The following CDH7 variants were observed in gnomAD, a reference collection of about 807,000 sequenced individuals.
CDH7 encodes cadherin 7.
Under a neutral mutation model 71.8 loss-of-function variants are expected in CDH7, and 25 were observed. The observed-to-expected ratio is 0.35, with a 90% CI of 0.25 to 0.49. The LOEUF is 0.49. CDH7 is among the 20% of genes least tolerant of loss of function. The pLI, the probability that CDH7 is intolerant of heterozygous loss-of-function variation, is 0.99. For synonymous variants in CDH7, 381 were observed against 363.8 expected (o/e 1.05, Z -0.54); for missense variants, 862 against 974.6 (o/e 0.88, Z 1.54).
chr18:65,760,655 T>C (rs1048790750), intron 1 of CDH7, among the ~76,000 whole-genome samples: 1 of 152,156 alleles, frequency 6.6e-6, no homozygotes, highest in African/African-American at 2.4e-5. Flanking sequence ...CCTCACATGC[T>C]TGTCTCAGCC....
intron 2 of CDH7, among the ~76,000 whole-genome samples, chr18:65,791,205 A>G (rs1341358283): frequency 2.0e-5 from 3 of 152,180 alleles, no homozygotes; most frequent in Non-Finnish European, 4.4e-5. Context: ...AACATCAGAG[A>G]GTACATGTAT....
intron 2 of CDH7, among the ~76,000 whole-genome samples, chr18:65,790,205 A>C (rs1910662257): frequency 7.4e-6 from 1 of 135,094 alleles, no homozygotes; most frequent in South Asian, 2.6e-4. Context: ...TGGGTGACAG[A>C]GTAAGACTCT....
At chr18:65,826,801 A>G (rs7227424) in intron 6 of CDH7, among the ~76,000 whole-genome samples, 110,834 of 151,370 alleles carry the variant, frequency 0.73, 40,831 homozygotes, top group East Asian at 0.98. Flanking sequence ...TACTTTGACT[A>G]TTATTAGAGA....
rs768514024 is a variant in CDH7 at position 65,843,910 on chromosome 18, C to T, written c.1080C>T (p.Asp360=). Residue 360 remains aspartate (D), a synonymous_variant, in exon 7 of 12, where the codon GAC becomes GAT. Coordinates refer to ENST00000397968, the MANE Select transcript of CDH7 (RefSeq NM_004361.5). ...TTCTGAGCTTGGGTCCGTTCAGTGACACGACAACTGTGAAGATAATTGTGG... is the reference window on the plus strand; with the variant it reads ...TTCTGAGCTTGGGTCCGTTCAGTGATACGACAACTGTGAAGATAATTGTGG... The part of the protein sequence containing the change: ...PRFLSLGPFS[D]TTTVKIIVED... 21 of 1,606,108 alleles carry T rather than the reference C, an allele frequency of 1.3e-5. No homozygotes were observed. Among genetic ancestry groups the T allele is most frequent in the Non-Finnish European group, 1.7e-5 (20 of 1,175,074 alleles).
upstream of CDH7, chr18:65,750,810 C>G (rs1013010351): frequency 2.6e-5 from 4 of 152,436 alleles, no homozygotes; most frequent in Admixed American, 6.5e-5. Flanking sequence ...CTCGCCCTCT[C>G]TCTGGCCGCG....
At chr18:65,852,963 A>C (rs1437810981) in intron 7 of CDH7, among the ~76,000 whole-genome samples, 1 of 152,190 alleles carries the variant, frequency 6.6e-6, no homozygotes. Context: ...GATTGAATTA[A>C]TGATGGTAAA....
At chr18:65,866,315 C>CAAAAAAAAAAAAA (rs1568228989) in intron 11 of CDH7, 1 of 1,364 alleles carries the variant, frequency 7.3e-4, no homozygotes, top group African/African-American at 1.5e-3. Flanking sequence ...AAAAAAAAAA[C>CAAAAAAAAAAAAA]AAAAAAAAAA....
At chr18:65,770,972 G>A (rs907601231) in intron 2 of CDH7, among the ~76,000 whole-genome samples, 33 of 152,134 alleles carry the variant, frequency 2.2e-4, no homozygotes, top group African/African-American at 8.0e-4. Flanking sequence ...TCCACAAAGT[G>A]CCAGCAAAGT....
intron 4 of CDH7, among the ~76,000 whole-genome samples, chr18:65,817,301 C>A (rs145904037): frequency 6.6e-5 from 10 of 152,286 alleles, no homozygotes; most frequent in African/African-American, 1.7e-4. Context: ...TCCAACTACA[C>A]CCTTCCTACA....
rs72393865 is a variant in CDH7, at chr18:65,784,113, A to ATTTTTTTT, written c.210+21073_210+21080dup. Among the ~76,000 whole-genome samples, 610 of 106,564 alleles carry ATTTTTTTT rather than the reference A, an allele frequency of 5.7e-3. 1 individual carries two copies. Among genetic ancestry groups the ATTTTTTTT allele is most frequent in the Non-Finnish European group, 7.4e-3 (403 of 54,164 alleles). 69.9% of individuals were successfully genotyped at this position (106,564 alleles called of 152,430 possible). ...AACACAGGCATTACCACCCACAGCT[A>ATTTTTTTT]TTTTTTTTTTTTTTTTTTTGTAGAG... On this transcript the variant is annotated intron_variant, in intron 2 of 11. Coordinates refer to ENST00000397968, the MANE Select transcript of CDH7 (RefSeq NM_004361.5).
intron 2 of CDH7, among the ~76,000 whole-genome samples, chr18:65,801,474 CATT>C (rs996206994): frequency 6.6e-6 from 1 of 152,178 alleles, no homozygotes; most frequent in Non-Finnish European, 1.5e-5. Flanking sequence ...AAGAGAGAAT[CATT>C]GAGACCAACT....
At position 65,779,648 on chromosome 18, in the gene CDH7, G is replaced by T. The variant is rs199905852; in HGVS notation, c.210+16596G>T. 1.5e-4 allele frequency among the ~76,000 whole-genome samples: 3 copies of T among 20,404 alleles called. No homozygotes were observed. In the East Asian group the frequency reaches 3.0e-3, roughly 20 times the overall value. The allele number at this position is 20,404 out of a possible 152,430, so 13.4% of individuals were successfully genotyped here. ...GGATATGAACTCATCATTTTTTATGGCTGCATAGTATTCCATGGTGTATAT... is the reference window on the plus strand; with the variant it reads ...GGATATGAACTCATCATTTTTTATGTCTGCATAGTATTCCATGGTGTATAT... On this transcript the variant is annotated intron_variant, in intron 2 of 11. Coordinates refer to ENST00000397968, the MANE Select transcript of CDH7 (RefSeq NM_004361.5).
intron 2 of CDH7, among the ~76,000 whole-genome samples, chr18:65,802,762 T>G (rs1383137917): frequency 6.6e-6 from 1 of 152,178 alleles, no homozygotes; most frequent in Non-Finnish European, 1.5e-5. Flanking sequence ...GAGTTGTGGA[T>G]CTGGTCTGGA....
chr18:65,791,397 G>C (rs553457727), intron 2 of CDH7, among the ~76,000 whole-genome samples: 15 of 152,050 alleles, frequency 9.9e-5, no homozygotes, highest in Admixed American at 3.9e-4. Context: ...AATATTATGT[G>C]GTTTGTAAGC....
intron 2 of CDH7, among the ~76,000 whole-genome samples, chr18:65,801,371 G>A (rs1426759251): frequency 3.3e-5 from 5 of 152,158 alleles, no homozygotes; most frequent in East Asian, 1.9e-4. Flanking sequence ...TAGTTTTAAC[G>A]TGGTACTTCA....
At chr18:65,786,775 C>G (rs1357686493) in intron 2 of CDH7, among the ~76,000 whole-genome samples, 1 of 152,106 alleles carries the variant, frequency 6.6e-6, no homozygotes, top group African/African-American at 2.4e-5. Flanking sequence ...CCCCAAATTC[C>G]TGGTCTCAAA....
chr18:65,814,778 T>C (rs1009523602), intron 4 of CDH7, among the ~76,000 whole-genome samples, 174 bp downstream of exon 4: 12 of 152,168 alleles, frequency 7.9e-5, no homozygotes, highest in Non-Finnish European at 1.6e-4. Flanking sequence ...TTAAAAATAT[T>C]TTATTTTATT....
Position 65,852,352 on chromosome 18 carries a change from T to C in CDH7, c.1236-5464T>C, listed in dbSNP as rs80023792. Among the ~76,000 whole-genome samples the C allele has an allele frequency of 4.6e-3, 696 of 152,292 alleles. 5 individuals are homozygous for C. Among genetic ancestry groups the C allele is most frequent in the South Asian group, 0.018 (86 of 4,824 alleles). ...ATATATGCTTGCGTTAGTTAGAAAT[T>C]GTGCTTGGCTAGTAGCAGCAAAGCT... On this transcript the variant is annotated intron_variant, in intron 7 of 11. Transcript: ENST00000397968.
At chr18:65,832,575 A>G (rs1291309833) in intron 6 of CDH7, among the ~76,000 whole-genome samples, 2 of 152,038 alleles carry the variant, frequency 1.3e-5, no homozygotes, top group Non-Finnish European at 2.9e-5. Flanking sequence ...TATAAAAATG[A>G]TGATGAAATT....
Sources: allele counts gnomAD v4.1 joint callset (sites outside exome capture counted in the v4.1 genomes callset), GRCh38; gene constraint gnomAD v4.1.1; transcripts MANE v1.5; gene names NCBI Gene and HGNC (gene_info 2026-07-23, HGNC 2026-07-21).